PGLYRP4: variants seen among roughly 807,000 people sequenced by gnomAD.
PGLYRP4 encodes the protein peptidoglycan recognition protein 4.
PGLYRP4 carries 39 observed loss-of-function variants against 41.2 expected under a neutral mutation model. That is an observed-to-expected ratio of 0.95 (90% confidence interval 0.73 to 1.24). PGLYRP4 has a LOEUF of 1.24. Among genes scored for constraint, PGLYRP4 ranks in the 50% most tolerant of loss-of-function variants. The pLI, the probability that PGLYRP4 is intolerant of heterozygous loss-of-function variation, is 0.00. For synonymous variants in PGLYRP4, 202 were observed against 186.8 expected, an observed-to-expected ratio of 1.08 and a Z score of -0.66; for missense variants, 467 against 460.7, an observed-to-expected ratio of 1.01 and a Z score of -0.13.
intron 8 of PGLYRP4, among the ~76,000 whole-genome samples, 193 bp from the exon 9 acceptor site, chr1:153,331,138 A>C (rs933047663): frequency 6.6e-6 from 1 of 152,224 alleles, no homozygotes; most frequent in African/African-American, 2.4e-5. Flanking sequence ...AAAAGAGCCA[A>C]GCCTGGGATA....
chr1:153,333,798 G>T (rs568678856), intron 8 of PGLYRP4, among the ~76,000 whole-genome samples: 8 of 152,188 alleles, frequency 5.3e-5, no homozygotes, highest in Non-Finnish European at 1.0e-4. Flanking sequence ...CACATAAGCA[G>T]AATTAAAACA....
At chr1:153,346,615 C>T (rs1046070812) in intron 2 of PGLYRP4, among the ~76,000 whole-genome samples, 3 of 152,202 alleles carry the variant, frequency 2.0e-5, no homozygotes, top group East Asian at 1.9e-4. Flanking sequence ...CCAGTTCCCC[C>T]GGGATTGATT....
rs762047655 is a variant in PGLYRP4 at position 153,337,166 on chromosome 1, A to T, written c.943+15T>A. 2 of 1,536,890 alleles carry T rather than the reference A, an allele frequency of 1.3e-6. No homozygotes were observed. The highest frequency in any genetic ancestry group is 4.5e-5 in the East Asian group (2 of 44,484). On this transcript the variant is annotated intron_variant, in intron 8 of 8. Transcript: ENST00000359650. ...ATACCATGCAATGACCCTACTGACC[A>T]AAGCATCCACTTACCTGTGAAGGTG...
intron 7 of PGLYRP4, among the ~76,000 whole-genome samples, chr1:153,338,174 T>C (rs1660645216): frequency 6.6e-6 from 1 of 151,968 alleles, no homozygotes; most frequent in Non-Finnish European, 1.5e-5. Context: ...CACCCACCCA[T>C]TGGCCCCAGC....
intron 6 of PGLYRP4, among the ~76,000 whole-genome samples, chr1:153,340,800 C>T (rs1048725118): frequency 6.6e-6 from 1 of 151,966 alleles, no homozygotes; most frequent in African/African-American, 2.4e-5. Flanking sequence ...GTATTTGAGT[C>T]ATTTGTAATC....
At chr1:153,336,343 C>T (rs1419021204) in intron 8 of PGLYRP4, among the ~76,000 whole-genome samples, 2 of 117,636 alleles carry the variant, frequency 1.7e-5, no homozygotes, top group Admixed American at 1.2e-4. Flanking sequence ...GTGTTCCAGC[C>T]TGGGTGACAG....
Position 153,343,157 on chromosome 1 carries a change from G to A in PGLYRP4, c.405C>T (p.Ile135=), listed in dbSNP as rs1379368745. The A allele has an allele frequency of 1.2e-6, 2 of 1,614,002 alleles. No individual in the cohort carries two copies. The highest frequency in any genetic ancestry group is 2.2e-5 in the South Asian group (2 of 91,072). The change falls in exon 5 of 9, where the codon ATC becomes ATT. Residue 135 remains isoleucine (I), a synonymous_variant. Coordinates refer to ENST00000359650, the MANE Select transcript of PGLYRP4 (RefSeq NM_020393.4). ...TGTAGCCTTGGGTGTGCACTCCTTGGATATTCCAGCCAACACCTTCATACA... is the reference window on the plus strand; with the variant it reads ...TGTAGCCTTGGGTGTGCACTCCTTGAATATTCCAGCCAACACCTTCATACA... ...GRVYEGVGWN[I]QGVHTQGYNN... is the part of the protein sequence containing the mutation.
chr1:153,334,731 A>T (rs973979896), intron 8 of PGLYRP4, among the ~76,000 whole-genome samples: 6 of 152,122 alleles, frequency 3.9e-5, no homozygotes, highest in Admixed American at 1.3e-4. Context: ...ACTAAGAAAG[A>T]ACCCAAATAG....
At chr1:153,332,169 A>G (rs1660365811) in intron 8 of PGLYRP4, among the ~76,000 whole-genome samples, 1 of 152,166 alleles carries the variant, frequency 6.6e-6, no homozygotes, top group Non-Finnish European at 1.5e-5. Flanking sequence ...TTGCTACACT[A>G]TATCAAGTAA....
In PGLYRP4 at chr1:153,340,585, G is replaced by A. The variant is rs1250395679; in HGVS notation, c.626-6C>T. The A allele has an allele frequency of 6.2e-7, 1 of 1,613,190 alleles. No individual in the cohort carries two copies. Among genetic ancestry groups the A allele is most frequent in the Non-Finnish European group, 8.5e-7 (1 of 1,179,844 alleles). ...TGGGACAACGCCGGGGCAAGCTGAG[G>A]TGGGGCGAGAAACCACAGAGGGTTC... On this transcript the variant is annotated splice_polypyrimidine_tract_variant and splice_region_variant and intron_variant, in intron 6 of 8. Transcript: ENST00000359650.
chr1:153,342,384 T>C (rs1384926135), intron 5 of PGLYRP4, among the ~76,000 whole-genome samples: 1 of 152,200 alleles, frequency 6.6e-6, no homozygotes, highest in East Asian at 1.9e-4. Flanking sequence ...GCTGTGTCAC[T>C]TGGGGTCATC....
intron 7 of PGLYRP4, among the ~76,000 whole-genome samples, chr1:153,337,866 T>C (rs993559105): frequency 1.4e-4 from 22 of 152,154 alleles, no homozygotes; most frequent in African/African-American, 5.1e-4. Context: ...CTGCCACACC[T>C]CTTGACTTCT....
In PGLYRP4 at chr1:153,345,224, G is replaced by A. The variant is rs554667521; in HGVS notation, c.298C>T (p.Arg100Trp). ...TGGACATGATGGGCCTGCAGTTCCC[G>A]CAGTCTCTGGCTGCAGACTGTCTGG... is the stretch of plus-strand genomic sequence containing the variant. ...HDQTVCSQRL[R>W]ELQAHHVHNN... is the part of the protein sequence containing the mutation. The change falls in exon 4 of 9, where the codon CGG becomes TGG. Residue 100 changes from arginine (R) to tryptophan (W), a missense_variant. By Grantham distance (101) the Arg-to-Trp change is moderately radical (BLOSUM62 -3). Transcript: ENST00000359650. The A allele has an allele frequency of 2.4e-5, 38 of 1,613,932 alleles. No individual in the cohort carries two copies. Among genetic ancestry groups the A allele is most frequent in the Admixed American group, 8.3e-5 (5 of 60,024 alleles).
Position 153,339,949 on chromosome 1 carries a change from C to T in PGLYRP4, c.824+432G>A, listed in dbSNP as rs539260858. 1.9e-4 allele frequency among the ~76,000 whole-genome samples: 29 copies of T among 152,274 alleles called. No homozygotes were observed. The South Asian group carries it at 5.8e-3, about 30-fold the overall frequency. On this transcript the variant is annotated intron_variant, in intron 7 of 8. Coordinates refer to ENST00000359650, the MANE Select transcript of PGLYRP4 (RefSeq NM_020393.4). The stretch of plus-strand genomic sequence containing the variant: ...GGTTTCTAGAAGCAGAGAAGCAGCA[C>T]GGGTCTACCATGAGGGGGAACCACT...
chr1:153,330,431 C>T lies in PGLYRP4; in HGVS notation c.*336G>A. 5.5e-6 allele frequency: 1 copy of T among 181,144 alleles called. No homozygotes were observed. The highest frequency in any genetic ancestry group is 1.2e-5 in the Non-Finnish European group (1 of 84,700). The allele number at this position is 181,144 out of a possible 1,614,324, so 11.2% of individuals were successfully genotyped here. ...GCCAGGCAGACACCAGGGGAAGGCTCACCAGGCAGAGGGGAATGGAGAGAG... is the reference window on the plus strand; with the variant it reads ...GCCAGGCAGACACCAGGGGAAGGCTTACCAGGCAGAGGGGAATGGAGAGAG... On this transcript the variant is annotated 3_prime_UTR_variant, in exon 9 of 9. Coordinates refer to ENST00000359650, the MANE Select transcript of PGLYRP4 (RefSeq NM_020393.4).
intron 7 of PGLYRP4, among the ~76,000 whole-genome samples, chr1:153,339,501 G>A (rs566288960): frequency 2.0e-5 from 3 of 152,318 alleles, no homozygotes; most frequent in Non-Finnish European, 2.9e-5. Flanking sequence ...TTCTATGAAT[G>A]TGCATGAATA....
intron 8 of PGLYRP4, among the ~76,000 whole-genome samples, chr1:153,334,369 A>G (rs1660455677): frequency 6.7e-6 from 1 of 150,082 alleles, no homozygotes; most frequent in Admixed American, 6.7e-5. Context: ...GTTTGTATGT[A>G]TATATATGTA....
intron 2 of PGLYRP4, among the ~76,000 whole-genome samples, chr1:153,347,242 T>C (rs1661049683): frequency 6.6e-6 from 1 of 152,100 alleles, no homozygotes; most frequent in Admixed American, 6.5e-5. Context: ...AGTTTCACCA[T>C]GTTGGCCAGG....
intron 7 of PGLYRP4, among the ~76,000 whole-genome samples, chr1:153,338,083 G>A (rs540734197): frequency 6.6e-5 from 10 of 152,114 alleles, no homozygotes; most frequent in Admixed American, 1.3e-4. Context: ...ATGAAAGTCC[G>A]CACGTTCACA....
Sources: allele counts gnomAD v4.1 joint callset (sites outside exome capture counted in the v4.1 genomes callset), GRCh38; gene constraint gnomAD v4.1.1; transcripts MANE v1.5; gene names NCBI Gene and HGNC (gene_info 2026-07-23, HGNC 2026-07-21).